Variants in PHF21B observed in about 807,000 individuals in gnomAD.
PHF21B encodes PHD finger protein 4.
PHF21B carries 22 observed loss-of-function variants against 62.2 expected under a neutral mutation model. The observed-to-expected ratio is 0.35, with a 90% CI of 0.25 to 0.51. The LOEUF (loss-of-function observed/expected upper bound fraction) is 0.51, where lower values mean the gene tolerates loss of function less well. PHF21B is among the 20% of genes least tolerant of loss of function. The pLI is 0.97. For synonymous variants in PHF21B, 341 were observed against 314.7 expected, an observed-to-expected ratio of 1.08 and a Z score of -0.88; for missense variants, 701 against 707.9, an observed-to-expected ratio of 0.99 and a Z score of 0.11.
At chr22:44,906,541 C>T (rs926050836) in intron 5 of PHF21B, among the ~76,000 whole-genome samples, 2 of 152,248 alleles carry the variant, frequency 1.3e-5, no homozygotes, top group African/African-American at 2.4e-5. Context: ...CAGACTCATT[C>T]AGATGCTAGC....
chr22:44,959,125 T>C (rs1390768606), intron 2 of PHF21B, among the ~76,000 whole-genome samples: 1 of 152,168 alleles, frequency 6.6e-6, no homozygotes, highest in African/African-American at 2.4e-5. Context: ...AGATCCGGTT[T>C]CTGTTTTGGT....
At chr22:44,918,350 G>A (rs1406680841) in intron 3 of PHF21B, among the ~76,000 whole-genome samples, 1 of 152,214 alleles carries the variant, frequency 6.6e-6, no homozygotes, top group Non-Finnish European at 1.5e-5. Context: ...GCAGACTCTG[G>A]GCATGGGCGA....
chr22:44,999,747 T>C (rs1042740164), intron 2 of PHF21B, among the ~76,000 whole-genome samples: 1 of 152,082 alleles, frequency 6.6e-6, no homozygotes, highest in Non-Finnish European at 1.5e-5. Flanking sequence ...GGTCCAGAAC[T>C]GGACCACGGC....
chr22:44,906,741 G>A (rs954909553), intron 5 of PHF21B, among the ~76,000 whole-genome samples: 2 of 152,140 alleles, frequency 1.3e-5, no homozygotes, highest in Admixed American at 6.5e-5. Context: ...TTCCTCGTCT[G>A]TAAAATGAAC....
At chr22:45,008,331 C>A (rs2073363641) in intron 2 of PHF21B, 2 of 418,150 alleles carry the variant, frequency 4.8e-6, no homozygotes, top group Admixed American at 4.3e-5. Flanking sequence ...CTCCTCTCTT[C>A]GGCCCCCGCA....
At chr22:44,905,410 G>C (rs1040715136) in intron 5 of PHF21B, among the ~76,000 whole-genome samples, 1 of 152,086 alleles carries the variant, frequency 6.6e-6, no homozygotes, top group East Asian at 1.9e-4. Context: ...CTTGGTTTTT[G>C]TGCTTCGTTA....
intron 8 of PHF21B, among the ~76,000 whole-genome samples, chr22:44,891,004 G>A (rs2070953861): frequency 6.6e-6 from 1 of 152,230 alleles, no homozygotes; most frequent in Admixed American, 6.5e-5. Flanking sequence ...TGTCTCCAGT[G>A]GAGTATGGAA....
At chr22:44,894,480 A>G (rs1041259849) in intron 6 of PHF21B, among the ~76,000 whole-genome samples, 1 of 152,164 alleles carries the variant, frequency 6.6e-6, no homozygotes, top group African/African-American at 2.4e-5. Flanking sequence ...CTGTCCCCAC[A>G]GCCCCATGCT....
In PHF21B at chr22:44,895,975, A is replaced by G. The variant is rs1276311736; in HGVS notation, c.883+57T>C. The G allele has an allele frequency of 4.4e-6, 7 of 1,597,770 alleles. No homozygotes were observed. In the East Asian group the frequency reaches 1.6e-4, roughly 36 times the overall value. On this transcript the variant is annotated intron_variant, in intron 6 of 12. Coordinates refer to ENST00000313237, the MANE Select transcript of PHF21B (RefSeq NM_138415.5). ...CCCATCATCACACCTGGCCCCCAAC[A>G]CCCCGGCTTTCGGGTCAGTCCCAGC...
At chr22:44,941,382 C>T (rs1318906341) in intron 2 of PHF21B, among the ~76,000 whole-genome samples, 4 of 152,228 alleles carry the variant, frequency 2.6e-5, no homozygotes, top group Non-Finnish European at 4.4e-5. Context: ...CAGGCCAGTC[C>T]GTCCCTCTGT....
intron 2 of PHF21B, among the ~76,000 whole-genome samples, chr22:44,952,265 CTCGAGAG>C (rs1477661276): frequency 3.9e-5 from 6 of 152,186 alleles, no homozygotes; most frequent in Admixed American, 3.9e-4. Flanking sequence ...ATCGCTTGAA[CTCGAGAG>C]TCGGAGGTTG....
intron 6 of PHF21B, among the ~76,000 whole-genome samples, chr22:44,894,501 C>T (rs2071022732): frequency 6.6e-6 from 1 of 152,166 alleles, no homozygotes; most frequent in Non-Finnish European, 1.5e-5. Flanking sequence ...GCCTCTGTGG[C>T]ACCGTGGTTT....
intron 7 of PHF21B, among the ~76,000 whole-genome samples, chr22:44,892,555 C>G (rs143272977): frequency 6.6e-6 from 1 of 152,338 alleles, no homozygotes; most frequent in Non-Finnish European, 1.5e-5. Context: ...TCCTCCAGAT[C>G]TCACAGAGCT....
intron 2 of PHF21B, among the ~76,000 whole-genome samples, chr22:44,983,319 T>C (rs2147481424): frequency 6.6e-6 from 1 of 152,192 alleles, no homozygotes; most frequent in Middle Eastern, 3.4e-3. Flanking sequence ...CTCTTGCTTC[T>C]CACCCATTGA....
Position 44,889,934 on chromosome 22 carries a change from C to T in PHF21B, c.1016-152G>A, listed in dbSNP as rs1017575985. 59 of 730,836 alleles carry T rather than the reference C, an allele frequency of 8.1e-5. No individual in the cohort carries two copies. The African/African-American group carries it at 9.7e-4, about 12-fold the overall frequency. 45.3% of individuals were successfully genotyped at this position (730,836 alleles called of 1,614,324 possible). On this transcript the variant is annotated intron_variant, in intron 8 of 12. Transcript: ENST00000313237. ...GCCCCCATGATACCTGGGCTCTCACCCCAGGGCATGATGGGAATATCACAA... is the reference window on the plus strand; with the variant it reads ...GCCCCCATGATACCTGGGCTCTCACTCCAGGGCATGATGGGAATATCACAA...
chr22:44,890,818 C>T (rs922446923), intron 8 of PHF21B, among the ~76,000 whole-genome samples: 1 of 152,230 alleles, frequency 6.6e-6, no homozygotes, highest in Non-Finnish European at 1.5e-5. Flanking sequence ...AAGGAGCCCT[C>T]GGCTCCAACA....
intron 2 of PHF21B, among the ~76,000 whole-genome samples, chr22:44,997,518 C>G (rs2073142605): frequency 6.6e-6 from 1 of 152,092 alleles, no homozygotes; most frequent in Non-Finnish European, 1.5e-5. Context: ...ATCTGTGGTG[C>G]ATTTATTACC....
In PHF21B at chr22:44,913,922, C is replaced by T. The variant is rs1273270702; in HGVS notation, c.731G>A (p.Ser244Asn). 7 of 1,613,626 alleles carry T rather than the reference C, an allele frequency of 4.3e-6. No individual in the cohort carries two copies. Among genetic ancestry groups the T allele is most frequent in the Middle Eastern group, 1.7e-4 (1 of 6,060 alleles). ...TGTGGGCGGCCGCGACTCTGCCGTG[C>T]TCTCGGGCTGCGTCTGCACTTGAGG... is the stretch of plus-strand genomic sequence containing the variant. ...IQPQVQTQPE[S>N]TAESRPPTEE... The change falls in exon 5 of 13, where the codon AGC becomes AAC. Residue 244 changes from serine (S) to asparagine (N), a missense_variant. Coordinates refer to ENST00000313237, the MANE Select transcript of PHF21B (RefSeq NM_138415.5).
At chr22:44,965,538 G>A (rs1354004418) in intron 2 of PHF21B, among the ~76,000 whole-genome samples, 2 of 151,908 alleles carry the variant, frequency 1.3e-5, no homozygotes, top group Non-Finnish European at 2.9e-5. Context: ...CCAGTTCTTG[G>A]CTGAGGGGTT....
Sources: gnomAD v4.1 joint callset for allele counts (sites outside exome capture counted in the v4.1 genomes callset) on GRCh38, gnomAD v4.1.1 for gene constraint, MANE v1.5 for transcripts, NCBI Gene and HGNC (gene_info 2026-07-23, HGNC 2026-07-21) for gene names.